The following ST6GAL1 variants were observed in gnomAD, a reference collection of about 807,000 sequenced individuals.
ST6GAL1 encodes the protein ST6 beta-galactoside alpha-2,6-sialyltransferase 1.
A neutral mutation model predicts 38.0 loss-of-function variants in ST6GAL1; 20 were observed. The observed-to-expected ratio is 0.53, with a 90% CI of 0.37 to 0.77. The LOEUF (loss-of-function observed/expected upper bound fraction) is 0.77, where lower values mean the gene tolerates loss of function less well. Among genes scored for constraint, ST6GAL1 ranks in the 30% least tolerant of loss-of-function variants. ST6GAL1 has a pLI of 0.00. For missense variants in ST6GAL1, 432 were observed against 496.4 expected (o/e 0.87, Z 1.23); for synonymous variants, 196 against 188.2 (o/e 1.04, Z -0.34).
At chr3:187,008,347 GAGAA>G (rs1178136485) in intron 2 of ST6GAL1, among the ~76,000 whole-genome samples, 7 of 150,764 alleles carry the variant, frequency 4.6e-5, no homozygotes, top group South Asian at 2.1e-4. Flanking sequence ...TCAAGAAAGA[GAGAA>G]AGAAAGAAAA....
intron 2 of ST6GAL1, among the ~76,000 whole-genome samples, chr3:186,988,224 TA>T (rs971010757): frequency 2.0e-5 from 3 of 152,124 alleles, no homozygotes; most frequent in Non-Finnish European, 4.4e-5. Context: ...GACGACATGG[TA>T]AATGTGGACT....
chr3:186,988,567 G>T (rs965120131), intron 2 of ST6GAL1, among the ~76,000 whole-genome samples: 27 of 149,510 alleles, frequency 1.8e-4, no homozygotes, highest in African/African-American at 6.4e-4. Flanking sequence ...TTTTGGGGTG[G>T]GGGGGTGGTG....
intron 2 of ST6GAL1, among the ~76,000 whole-genome samples, chr3:186,997,907 T>A (rs1430264587): frequency 6.6e-6 from 1 of 152,064 alleles, no homozygotes; most frequent in Non-Finnish European, 1.5e-5. Flanking sequence ...AAGCCACAAG[T>A]GTGGGCTGCA....
At chr3:187,055,401 G>T (rs1718663287) in intron 5 of ST6GAL1, among the ~76,000 whole-genome samples, 1 of 152,058 alleles carries the variant, frequency 6.6e-6, no homozygotes, top group Non-Finnish European at 1.5e-5. Context: ...TGATGTTAGG[G>T]TGTTGATTTT....
chr3:186,941,399 T>C (rs1714167153), intron 1 of ST6GAL1, among the ~76,000 whole-genome samples: 1 of 152,196 alleles, frequency 6.6e-6, no homozygotes, highest in Admixed American at 6.5e-5. Flanking sequence ...GATAAAATGA[T>C]GCACACCCAG....
At chr3:187,016,160 T>C (rs972226219) in intron 2 of ST6GAL1, among the ~76,000 whole-genome samples, 10 of 152,150 alleles carry the variant, frequency 6.6e-5, no homozygotes, top group Non-Finnish European at 1.0e-4. Context: ...TGTTGATGAT[T>C]TCAGTTCCTG....
At chr3:187,060,584 G>C (rs959685387) in intron 5 of ST6GAL1, among the ~76,000 whole-genome samples, 2 of 152,222 alleles carry the variant, frequency 1.3e-5, no homozygotes, top group African/African-American at 4.8e-5. Context: ...CAAGTAGTCT[G>C]GGTTAGATAC....
At position 187,024,449 on chromosome 3, in the gene ST6GAL1, CACACATATAT is replaced by C. The variant is rs1286071090; in HGVS notation, c.-182-14281_-182-14272del. 3.4e-5 allele frequency among the ~76,000 whole-genome samples: 5 copies of C among 146,692 alleles called. No homozygotes were observed. In the East Asian group the frequency reaches 1.0e-3, roughly 29 times the overall value. On this transcript the variant is annotated intron_variant, in intron 2 of 7. Transcript: ENST00000169298. ...CATATACTCTATATATATATACACACACACATATATACACATATATATGTGTATATATATA... is the reference window on the plus strand; with the variant it reads ...CATATACTCTATATATATATACACACACACATATATATGTGTATATATATA...
chr3:187,019,831 C>T (rs1717235693), intron 2 of ST6GAL1, among the ~76,000 whole-genome samples: 1 of 152,148 alleles, frequency 6.6e-6, no homozygotes, highest in Non-Finnish European at 1.5e-5. Context: ...GAGGTTTGTG[C>T]ACTAAAGATT....
At chr3:187,041,358 G>T (rs1718118881) in intron 3 of ST6GAL1, among the ~76,000 whole-genome samples, 2 of 152,120 alleles carry the variant, frequency 1.3e-5, no homozygotes, top group Non-Finnish European at 2.9e-5. Flanking sequence ...GACCCCTAGT[G>T]GGTTAGCAAA....
chr3:187,004,383 G>A (rs551357258), intron 2 of ST6GAL1, among the ~76,000 whole-genome samples: 2 of 152,360 alleles, frequency 1.3e-5, no homozygotes, highest in African/African-American at 4.8e-5. Context: ...GCCAGCCCCA[G>A]AGCCCAGGAC....
At chr3:187,059,264 C>A (rs1400404347) in intron 5 of ST6GAL1, among the ~76,000 whole-genome samples, 1 of 152,162 alleles carries the variant, frequency 6.6e-6, no homozygotes, top group South Asian at 2.1e-4. Context: ...GAAGAATTGG[C>A]TGGCCTTGCC....
chr3:186,979,584 A>T (rs370091003), intron 2 of ST6GAL1, among the ~76,000 whole-genome samples: 16 of 152,276 alleles, frequency 1.1e-4, no homozygotes, highest in African/African-American at 2.2e-4. Flanking sequence ...CTTCCTTAAT[A>T]CATAGTGCTC....
At chr3:186,993,688 A>G (rs929529907) in intron 2 of ST6GAL1, among the ~76,000 whole-genome samples, 3 of 152,064 alleles carry the variant, frequency 2.0e-5, no homozygotes, top group Non-Finnish European at 4.4e-5. Context: ...GCATGCTAGA[A>G]AAGAAAAGGG....
chr3:187,050,384 G>A (rs1311707312), intron 4 of ST6GAL1, among the ~76,000 whole-genome samples: 1 of 152,160 alleles, frequency 6.6e-6, no homozygotes, highest in Admixed American at 6.5e-5. Context: ...AGGTCAACGT[G>A]GGGTAGAGAA....
intron 1 of ST6GAL1, among the ~76,000 whole-genome samples, chr3:186,954,451 G>A (rs977792774): frequency 6.6e-6 from 1 of 152,180 alleles, no homozygotes; most frequent in Non-Finnish European, 1.5e-5. Flanking sequence ...CCCACCAACA[G>A]TGTAAAAGCG....
intron 1 of ST6GAL1, among the ~76,000 whole-genome samples, chr3:186,951,219 C>G (rs1714565877): frequency 6.6e-6 from 1 of 152,124 alleles, no homozygotes; most frequent in African/African-American, 2.4e-5. Context: ...ACGTGACCCG[C>G]TCATTTTTTG....
intron 1 of ST6GAL1, among the ~76,000 whole-genome samples, chr3:186,940,803 T>C (rs1273828515): frequency 2.1e-5 from 3 of 146,092 alleles, no homozygotes; most frequent in Non-Finnish European, 4.5e-5. Context: ...TTTTTTTTCA[T>C]AGCTGCATTG....
At chr3:186,982,193 T>A (rs1715717670) in intron 2 of ST6GAL1, among the ~76,000 whole-genome samples, 1 of 152,258 alleles carries the variant, frequency 6.6e-6, no homozygotes, top group Admixed American at 6.5e-5. Flanking sequence ...GTCCTTCCTT[T>A]TTTGGTGAGG....
Sources: allele counts gnomAD v4.1 joint callset (sites outside exome capture counted in the v4.1 genomes callset), GRCh38; gene constraint gnomAD v4.1.1; transcripts MANE v1.5; gene names NCBI Gene and HGNC (gene_info 2026-07-23, HGNC 2026-07-21).